The following ZNF503 variants were observed in gnomAD, a reference collection of about 807,000 sequenced individuals.
ZNF503 encodes NocA-like zinc finger 2.
ZNF503 carries 15 observed loss-of-function variants against 34.4 expected under a neutral mutation model. The observed-to-expected ratio is 0.44, with a 90% CI of 0.29 to 0.67. ZNF503 has a LOEUF of 0.67. ZNF503 is among the 30% of genes least tolerant of loss of function. The pLI is 0.13. For missense variants in ZNF503, 1,007 were observed against 926.8 expected, an observed-to-expected ratio of 1.09 and a Z score of -1.12; for synonymous variants, 580 against 456.8, an observed-to-expected ratio of 1.27 and a Z score of -3.44.
the ZNF503 span, among the ~76,000 whole-genome samples, chr10:75,348,929 A>G: frequency 0.36 from 54,839 of 151,922 alleles, 10,154 homozygotes; most frequent in Middle Eastern, 0.41. Context: ...ATATTCACCT[A>G]ATATACCAGT....
At chr10:75,342,929 G>A in the ZNF503 span, among the ~76,000 whole-genome samples, 1 of 152,202 alleles carries the variant, frequency 6.6e-6, no homozygotes, top group Non-Finnish European at 1.5e-5. Flanking sequence ...TCACTTAAAT[G>A]CGTTAATGTG....
In ZNF503 at chr10:75,401,288, G is replaced by A. The variant is rs1177641034; in HGVS notation, c.132C>T (p.Gly44=). The change falls in exon 1 of 2, where the codon GGC becomes GGT. Residue 44 remains glycine (G), a synonymous_variant. Coordinates refer to ENST00000372524, the MANE Select transcript of ZNF503 (RefSeq NM_032772.6). ...SALSGNSSGP[G]PGSSPAGSTK... Reference sequence around the variant, plus strand: ...TGCTGCCGGCCGGGGACGAGCCTGGGCCGGGGCCGGAGCTATTTCCAGAGA... The same window carrying A: ...TGCTGCCGGCCGGGGACGAGCCTGGACCGGGGCCGGAGCTATTTCCAGAGA... 6.4e-7 allele frequency: 1 copy of A among 1,571,520 alleles called. No individual in the cohort carries two copies. The highest frequency in any genetic ancestry group is 8.6e-7 in the Non-Finnish European group (1 of 1,160,992).
chr10:75,319,084 TGA>T, the ZNF503 span, among the ~76,000 whole-genome samples: 1 of 152,088 alleles, frequency 6.6e-6, no homozygotes, highest in African/African-American at 2.4e-5. Flanking sequence ...CTCACCTTCC[TGA>T]GTAGCTGGGA....
chr10:75,345,358 AC>A, the ZNF503 span, among the ~76,000 whole-genome samples: 1 of 151,756 alleles, frequency 6.6e-6, no homozygotes, highest in Non-Finnish European at 1.5e-5. Context: ...GGTAGAAAGG[AC>A]CCCACGGTGG....
chr10:75,308,594 G>A, the ZNF503 span, among the ~76,000 whole-genome samples: 1 of 152,182 alleles, frequency 6.6e-6, no homozygotes, highest in African/African-American at 2.4e-5. Flanking sequence ...ATGCCATTAA[G>A]AGCATTTGTG....
At chr10:75,362,571 T>G in the ZNF503 span, among the ~76,000 whole-genome samples, 1 of 152,164 alleles carries the variant, frequency 6.6e-6, no homozygotes, top group Non-Finnish European at 1.5e-5. Flanking sequence ...TTTGCTCCAT[T>G]AGAAAATAAA....
the ZNF503 span, among the ~76,000 whole-genome samples, chr10:75,336,725 A>G: frequency 6.6e-6 from 1 of 151,966 alleles, no homozygotes; most frequent in Non-Finnish European, 1.5e-5. Flanking sequence ...TCTGGGGAAG[A>G]ATCCATTTCC....
chr10:75,284,919 A>G, the ZNF503 span, among the ~76,000 whole-genome samples: 1 of 152,228 alleles, frequency 6.6e-6, no homozygotes, highest in African/African-American at 2.4e-5. Context: ...AATATTCAAC[A>G]TGGAACCAAT....
chr10:75,372,269 G>A, the ZNF503 span, among the ~76,000 whole-genome samples: 3 of 152,216 alleles, frequency 2.0e-5, no homozygotes, highest in Non-Finnish European at 4.4e-5. Context: ...TAACACAAAA[G>A]CAGCACATGT....
chr10:75,400,861 AG>A (rs527273334), intron 1 of ZNF503: 1 of 621,638 alleles, frequency 1.6e-6, no homozygotes, highest in South Asian at 2.0e-5. Flanking sequence ...GGGTCGGGGT[AG>A]GGGCTTTCAT....
At chr10:75,377,033 A>T in the ZNF503 span, among the ~76,000 whole-genome samples, 1 of 152,248 alleles carries the variant, frequency 6.6e-6, no homozygotes, top group Non-Finnish European at 1.5e-5. Context: ...CAGCAACATC[A>T]GCATCACCTG....
the ZNF503 span, among the ~76,000 whole-genome samples, chr10:75,332,891 G>A: frequency 1.1e-4 from 16 of 141,486 alleles, no homozygotes; most frequent in African/African-American, 2.4e-4. Context: ...ACACAGACAT[G>A]GCAACCATCC....
At chr10:75,363,083 C>G in the ZNF503 span, among the ~76,000 whole-genome samples, 1 of 85,548 alleles carries the variant, frequency 1.2e-5, no homozygotes, top group African/African-American at 3.7e-5. Context: ...TGCATGCATA[C>G]ACACACACAC....
At position 75,399,005 on chromosome 10, in the gene ZNF503, G is replaced by A; in HGVS notation, c.1685C>T (p.Ala562Val). The change falls in exon 2 of 2, where the codon GCC (alanine) becomes GTC (valine). Residue 562 changes from alanine (A) to valine (V), a missense_variant. Physicochemically the swap from Ala to Val is moderately conservative, Grantham distance 64. Transcript: ENST00000372524. ...LSGYPSSSSL[A>V]SAAAAAMACH... ...AGCCATGGCGGCCGCGGCAGCGCTG[G>A]CCAGAGACGACGAGCTGGGGTAGCC... 1 of 1,608,232 alleles carries A rather than the reference G, an allele frequency of 6.2e-7. No homozygotes were observed.
the ZNF503 span, among the ~76,000 whole-genome samples, chr10:75,339,275 A>G: frequency 6.6e-6 from 1 of 152,186 alleles, no homozygotes; most frequent in Non-Finnish European, 1.5e-5. Context: ...CCTCTAAAAA[A>G]TCTTCTTGCT....
chr10:75,350,890 T>C, the ZNF503 span, among the ~76,000 whole-genome samples: 1 of 152,082 alleles, frequency 6.6e-6, no homozygotes, highest in Non-Finnish European at 1.5e-5. Flanking sequence ...ATATCACACG[T>C]AAGGTGTCTT....
chr10:75,394,501 T>C (rs1843675972), downstream of ZNF503, among the ~76,000 whole-genome samples: 1 of 152,270 alleles, frequency 6.6e-6, no homozygotes, highest in African/African-American at 2.4e-5. Context: ...GGGCAACTTT[T>C]ACGAGTCTTC....
the ZNF503 span, among the ~76,000 whole-genome samples, chr10:75,314,871 C>T: frequency 1.3e-5 from 2 of 152,098 alleles, no homozygotes; most frequent in African/African-American, 4.8e-5. Context: ...TACTACCAGA[C>T]CTGCCTTACA....
At chr10:75,290,025 C>A in the ZNF503 span, among the ~76,000 whole-genome samples, 2 of 152,212 alleles carry the variant, frequency 1.3e-5, no homozygotes, top group African/African-American at 2.4e-5. Flanking sequence ...CTGCCCCTGA[C>A]AACCACCATT....
Sources: allele counts gnomAD v4.1 joint callset (sites outside exome capture counted in the v4.1 genomes callset), GRCh38; gene constraint gnomAD v4.1.1; transcripts MANE v1.5; gene names NCBI Gene and HGNC (gene_info 2026-07-23, HGNC 2026-07-21).